Variants in PROP1 observed in about 807,000 individuals in gnomAD.
PROP1 encodes homeobox protein prophet of Pit-1.
In PROP1, 12 loss-of-function variants were observed where a neutral mutation model predicts 22.3. That is an observed-to-expected ratio of 0.54 (90% CI 0.34 to 0.87). The LOEUF (loss-of-function observed/expected upper bound fraction) is 0.87. PROP1 is among the 40% of genes least tolerant of loss of function. The pLI, the probability that PROP1 is intolerant of heterozygous loss-of-function variation, is 0.01. For synonymous variants in PROP1, 112 were observed against 116.7 expected (o/e 0.96, Z 0.26); for missense variants, 278 against 295.1 (o/e 0.94, Z 0.43).
intron 1 of PROP1, among the ~76,000 whole-genome samples, chr5:177,994,677 C>G (rs781616894): frequency 2.6e-5 from 4 of 152,128 alleles, no homozygotes; most frequent in Non-Finnish European, 5.9e-5. Flanking sequence ...TGGCCTCAAG[C>G]AGTCCTCCCA....
chr5:177,992,625 T>C lies in PROP1; in HGVS notation c.*84A>G, dbSNP rs571971226. 4.4e-6 allele frequency: 4 copies of C among 909,288 alleles called. No individual in the cohort carries two copies. The highest frequency in any genetic ancestry group is 3.1e-5 in the South Asian group (2 of 65,064). The allele number at this position is 909,288 out of a possible 1,614,324, so 56.3% of individuals were successfully genotyped here. ...CCTCACCATGCATCTGCTTCACCCA[T>C]AGATGGAAAGGAAGCCACCCCATTT... On this transcript the variant is annotated 3_prime_UTR_variant, in exon 3 of 3. Coordinates refer to ENST00000308304, the MANE Select transcript of PROP1 (RefSeq NM_006261.5).
chr5:177,993,066 C>A lies in PROP1; in HGVS notation c.343-19G>T. On this transcript the variant is annotated intron_variant, in intron 2 of 2. Transcript: ENST00000308304. ...ACCAGACCTGAGAAGGGGTAGGAAC[C>A]ACATCAGAGCCCACACTTGACATAG... The A allele has an allele frequency of 6.2e-7, 1 of 1,602,732 alleles. No homozygotes were observed. Among genetic ancestry groups the A allele is most frequent in the Non-Finnish European group, 8.5e-7 (1 of 1,172,998 alleles).
intron 2 of PROP1, among the ~76,000 whole-genome samples, chr5:177,993,855 T>A (rs1013787095): frequency 6.6e-6 from 1 of 152,082 alleles, no homozygotes; most frequent in Non-Finnish European, 1.5e-5. Flanking sequence ...GTGTGAGCTA[T>A]TGTGCCCAGC....
chr5:177,994,291 T>A lies in PROP1; in HGVS notation c.157A>T (p.Arg53Ter), dbSNP rs1327956336. The change falls in exon 2 of 3, where the codon AGA becomes TGA. Residue 53 changes from arginine to a stop codon, truncating the protein, a stop_gained. Coordinates refer to ENST00000308304, the MANE Select transcript of PROP1 (RefSeq NM_006261.5). LOFTEE classifies it high-confidence loss of function. ...CCTCCTTGCGGGGAGAACCTTGATCTCCCCCCTCCTGCACCAGGGAGCCTT... is the reference window on the plus strand; with the variant it reads ...CCTCCTTGCGGGGAGAACCTTGATCACCCCCCTCCTGCACCAGGGAGCCTT... ...CRRLPGAGGG[R>*]SRFSPQGGQR... 3 of 1,611,684 alleles carry A rather than the reference T, an allele frequency of 1.9e-6. No homozygotes were observed.
chr5:177,993,462 G>A (rs1248831359), intron 2 of PROP1, among the ~76,000 whole-genome samples: 1 of 152,192 alleles, frequency 6.6e-6, no homozygotes, highest in African/African-American at 2.4e-5. Context: ...GGTTAGGATT[G>A]AGGGAGCATT....
chr5:177,992,849 T>C lies in PROP1; in HGVS notation c.541A>G (p.Thr181Ala). The C allele has an allele frequency of 6.2e-7, 1 of 1,611,634 alleles. No individual in the cohort carries two copies. Among genetic ancestry groups the C allele is most frequent in the South Asian group, 1.1e-5 (1 of 90,944 alleles). Residue 181 changes from threonine (T) to alanine (A), a missense_variant, in exon 3 of 3, where the codon ACA becomes GCA. Thr to Ala is a moderately conservative substitution (Grantham distance 58). Transcript: ENST00000308304. ...YSHALPSQPS[T>A]GGAFALSHQS... Reference sequence around the variant, plus strand: ...TGTGACAAAGCAAAGGCGCCTCCTGTGGAGGGCTGGGAAGGGAGGGCATGG... The same window carrying C: ...TGTGACAAAGCAAAGGCGCCTCCTGCGGAGGGCTGGGAAGGGAGGGCATGG...
Position 177,995,972 on chromosome 5 carries a change from T to G in PROP1, c.-39A>C. 2.6e-6 allele frequency: 4 copies of G among 1,557,284 alleles called. No individual in the cohort carries two copies. The highest frequency in any genetic ancestry group is 3.5e-6 in the Non-Finnish European group (4 of 1,131,304). On this transcript the variant is annotated 5_prime_UTR_variant, in exon 1 of 3. Coordinates refer to ENST00000308304, the MANE Select transcript of PROP1 (RefSeq NM_006261.5). The stretch of plus-strand genomic sequence containing the variant: ...GACCAAGTGTCCCTGAATCTCTGAC[T>G]TGAGATTTCTCTGCTTCCGCAGCTC...
At position 177,994,153 on chromosome 5, in the gene PROP1, G is replaced by A. The variant is rs121917844; in HGVS notation, c.295C>T (p.Arg99Ter). The part of the protein sequence containing the change: ...GRNQYPDIWA[R>*]ESLARDTGLS... The stretch of plus-strand genomic sequence containing the variant: ...CCAGTGTCCCGGGCAAGACTCTCTC[G>A]GGCCCAGATGTCGGGGTACTGGTTC... The change falls in exon 2 of 3, where the codon CGA (arginine) becomes TGA (stop). Residue 99 changes from arginine to a stop codon, truncating the protein, a stop_gained. Coordinates refer to ENST00000308304, the MANE Select transcript of PROP1 (RefSeq NM_006261.5). LOFTEE classifies it high-confidence loss of function. 5.6e-6 allele frequency: 9 copies of A among 1,614,118 alleles called. No individual in the cohort carries two copies. Among genetic ancestry groups the A allele is most frequent in the Admixed American group, 1.7e-5 (1 of 60,022 alleles).
At position 177,994,122 on chromosome 5, in the gene PROP1, C is replaced by T; in HGVS notation, c.326G>A (p.Ser109Asn). ...RESLARDTGL[S>N]EARIQVWFQN... ...GAGCATCACCTGGATTCGGGCCTCACTGAGGCCAGTGTCCCGGGCAAGACT... is the reference window on the plus strand; with the variant it reads ...GAGCATCACCTGGATTCGGGCCTCATTGAGGCCAGTGTCCCGGGCAAGACT... The change falls in exon 2 of 3, where the codon AGT becomes AAT. Residue 109 changes from serine (S) to asparagine (N), a missense_variant. Transcript: ENST00000308304. The T allele has an allele frequency of 6.2e-7, 1 of 1,614,126 alleles. No homozygotes were observed. Among genetic ancestry groups the T allele is most frequent in the Non-Finnish European group, 8.5e-7 (1 of 1,179,970 alleles).
Position 177,994,250 on chromosome 5 carries a change from C to T in PROP1, c.198G>A (p.Pro66=), listed in dbSNP as rs769315766. 6.2e-6 allele frequency: 10 copies of T among 1,613,924 alleles called. No individual in the cohort carries two copies. Among genetic ancestry groups the T allele is most frequent in the Admixed American group, 1.7e-5 (1 of 60,000 alleles). The part of the protein sequence containing the change: ...FSPQGGQRGR[P]HSRRRHRTTF... Reference sequence around the variant, plus strand: ...TGGTGCGGTGGCGGCGCCGGGAGTGCGGGCGGCCCCTCTGTCCTCCTTGCG... The same window carrying T: ...TGGTGCGGTGGCGGCGCCGGGAGTGTGGGCGGCCCCTCTGTCCTCCTTGCG... Residue 66 remains proline (P), a synonymous_variant, in exon 2 of 3, where the codon CCG becomes CCA. Transcript: ENST00000308304.
At position 177,994,329 on chromosome 5, in the gene PROP1, G is replaced by A. The variant is rs1562024612; in HGVS notation, c.119C>T (p.Ala40Val). 1.9e-6 allele frequency: 3 copies of A among 1,598,036 alleles called. No individual in the cohort carries two copies. Among genetic ancestry groups the A allele is most frequent in the Non-Finnish European group, 2.6e-6 (3 of 1,171,668 alleles). ...ACCAGGGAGCCTTCTGCAGGGTGGA[G>A]CACTCGAGTCTGAGAACGGAGAGAA... ...GTPTTTVDSSAPPCRRLPGAG... is the reference protein window; with the variant it reads ...GTPTTTVDSSVPPCRRLPGAG... Residue 40 changes from alanine (A) to valine (V), a missense_variant, in exon 2 of 3, where the codon GCT becomes GTT. Transcript: ENST00000308304.
At position 177,995,855 on chromosome 5, in the gene PROP1, G is replaced by A. The variant is rs774387718; in HGVS notation, c.79C>T (p.Pro27Ser). The A allele has an allele frequency of 2.5e-5, 41 of 1,613,914 alleles. No homozygotes were observed. Among genetic ancestry groups the A allele is most frequent in the Non-Finnish European group, 3.5e-5 (41 of 1,180,028 alleles). ...GTGGTGGTCGGGGTCCCAGTGGCCGGGTGTCTCTCAGGCAACAGGTTGCTG... is the reference window on the plus strand; with the variant it reads ...GTGGTGGTCGGGGTCCCAGTGGCCGAGTGTCTCTCAGGCAACAGGTTGCTG... ...VGSNLLPERH[P>S]ATGTPTTTVD... The change falls in exon 1 of 3, where the codon CCG becomes TCG. Residue 27 changes from proline (P) to serine (S), a missense_variant. Physicochemically the swap from Pro to Ser is moderately conservative, Grantham distance 74. Coordinates refer to ENST00000308304, the MANE Select transcript of PROP1 (RefSeq NM_006261.5).
chr5:177,994,955 A>T (rs577436657), intron 1 of PROP1, among the ~76,000 whole-genome samples: 13 of 152,060 alleles, frequency 8.5e-5, no homozygotes, highest in Non-Finnish European at 1.5e-4. Context: ...ATACCCCTCC[A>T]TGTACGTTCA....
intron 2 of PROP1, among the ~76,000 whole-genome samples, chr5:177,993,790 C>A (rs1772706711): frequency 6.6e-6 from 1 of 152,140 alleles, no homozygotes. Context: ...TGGTCTCGAA[C>A]TCTTAACCTC....
At chr5:177,995,735 C>A (rs1755751246) in intron 1 of PROP1, 90 bp downstream of exon 1, 3 of 1,035,184 alleles carry the variant, frequency 2.9e-6, no homozygotes, top group Non-Finnish European at 4.5e-6. Context: ...GTTTTAATTT[C>A]TCCTCCTAAC....
chr5:177,994,960 C>T (rs913989744), intron 1 of PROP1, among the ~76,000 whole-genome samples: 1 of 152,154 alleles, frequency 6.6e-6, no homozygotes, highest in African/African-American at 2.4e-5. Context: ...CCTCCATGTA[C>T]GTTCACCCTT....
Position 177,995,739 on chromosome 5 carries a change from T to A in PROP1, c.109+86A>T. On this transcript the variant is annotated intron_variant, in intron 1 of 2. Transcript: ENST00000308304. ...ATAGGATTCGGGTTTTAATTTCTCCTCCTAACCTTCTTCATGGAGCCTATG... is the reference window on the plus strand; with the variant it reads ...ATAGGATTCGGGTTTTAATTTCTCCACCTAACCTTCTTCATGGAGCCTATG... The A allele has an allele frequency of 4.6e-6, 5 of 1,081,868 alleles. No homozygotes were observed. In the Admixed American group the frequency reaches 8.8e-5, roughly 19 times the overall value. The allele number at this position is 1,081,868 out of a possible 1,614,324, so 67.0% of individuals were successfully genotyped here.
intron 2 of PROP1, among the ~76,000 whole-genome samples, chr5:177,993,761 T>C (rs1369349586): frequency 6.6e-6 from 1 of 152,156 alleles, no homozygotes; most frequent in African/African-American, 2.4e-5. Flanking sequence ...GAGATGGGGT[T>C]TCACCATGTT....
At position 177,992,701 on chromosome 5, in the gene PROP1, G is replaced by A. The variant is rs779502293; in HGVS notation, c.*8C>T. 6.8e-7 allele frequency: 1 copy of A among 1,475,884 alleles called. No individual in the cohort carries two copies. The highest frequency in any genetic ancestry group is 9.1e-7 in the Non-Finnish European group (1 of 1,101,266). 91.4% of individuals were successfully genotyped at this position (1,475,884 alleles called of 1,614,324 possible). A position where few individuals can be genotyped will look rare whatever the true frequency, so the allele number is the denominator to read the frequency against. ...GCTGGGGATCACCTTGGTGGTACTT[G>A]TTTGACCTCAGTTCCAGGACTTGGA... On this transcript the variant is annotated 3_prime_UTR_variant, in exon 3 of 3. Coordinates refer to ENST00000308304, the MANE Select transcript of PROP1 (RefSeq NM_006261.5).
Sources: allele counts gnomAD v4.1 joint callset (sites outside exome capture counted in the v4.1 genomes callset), GRCh38; gene constraint gnomAD v4.1.1; transcripts MANE v1.5; gene names NCBI Gene and HGNC (gene_info 2026-07-23, HGNC 2026-07-21).